BOLL: variants seen among roughly 807,000 people sequenced by gnomAD.
BOLL encodes boule RNA binding protein.
In BOLL, 23 loss-of-function variants were observed where a neutral mutation model predicts 44.4. That is an observed-to-expected ratio of 0.52 (90% confidence interval 0.37 to 0.73). The LOEUF (loss-of-function observed/expected upper bound fraction) is 0.73, where lower values mean the gene tolerates loss of function less well. Ranked by LOEUF, BOLL falls within the 30% of genes least tolerant of loss-of-function variation. BOLL has a pLI of 0.00. For synonymous variants in BOLL, 97 were observed against 110.8 expected, an observed-to-expected ratio of 0.88 and a Z score of 0.78; for missense variants, 287 against 338.3, an observed-to-expected ratio of 0.85 and a Z score of 1.19.
chr2:197,786,098 C>G, upstream of BOLL: 1 of 1,488,638 alleles, frequency 6.7e-7, no homozygotes, highest in Non-Finnish European at 9.0e-7. This position sits in a 1 kb window ranked among gnomAD's most constrained non-coding sequence, Gnocchi z 5.9. Flanking sequence ...CTTGTCCTGC[C>G]TGGGACTCTC....
At chr2:197,763,479 T>TAA (rs34230740) in intron 7 of BOLL, among the ~76,000 whole-genome samples, 1,494 of 127,484 alleles carry the variant, frequency 0.012, 35 homozygotes, top group South Asian at 0.037. Context: ...GAGTCCGTCT[T>TAA]AAAAAAAAAA....
At chr2:197,731,486 T>A (rs1346518944) in intron 10 of BOLL, among the ~76,000 whole-genome samples, 2 of 140,316 alleles carry the variant, frequency 1.4e-5, no homozygotes. Flanking sequence ...TACAGAACTC[T>A]CCACCCCAAA....
intron 5 of BOLL, among the ~76,000 whole-genome samples, chr2:197,775,226 G>T (rs1689454646): frequency 6.6e-6 from 1 of 151,696 alleles, no homozygotes; most frequent in Non-Finnish European, 1.5e-5. Flanking sequence ...GACACACCTG[G>T]CTGGGTTACA....
chr2:197,768,093 G>A lies in BOLL; in HGVS notation c.481-1490C>T, dbSNP rs562038087. On this transcript the variant is annotated intron_variant, in intron 6 of 10. Coordinates refer to ENST00000392296, the MANE Select transcript of BOLL (RefSeq NM_033030.6). ...AAATCAAGAGCATTACTATACACCA[G>A]CTACAATCTATTAGGAAATGTTATT... is the stretch of plus-strand genomic sequence containing the variant. Among the ~76,000 whole-genome samples the A allele has an allele frequency of 3.3e-5, 5 of 152,076 alleles. No individual in the cohort carries two copies. In the South Asian group the frequency reaches 1.0e-3, roughly 31 times the overall value.
chr2:197,760,243 AC>A (rs1303687007), intron 7 of BOLL, among the ~76,000 whole-genome samples: 1 of 151,946 alleles, frequency 6.6e-6, no homozygotes, highest in Non-Finnish European at 1.5e-5. Context: ...TCCGTGGGCC[AC>A]CCCCAGCAGA....
At chr2:197,766,701 G>T in intron 6 of BOLL, 98 bp from the exon 7 acceptor site, 2 of 810,504 alleles carry the variant, frequency 2.5e-6, no homozygotes, top group Admixed American at 2.6e-5. Flanking sequence ...GTAAACTTCT[G>T]GTTTATGATT....
chr2:197,750,827 A>C, intron 9 of BOLL, among the ~76,000 whole-genome samples: 1 of 152,198 alleles, frequency 6.6e-6, no homozygotes, highest in East Asian at 1.9e-4. Context: ...TCTCCACCCC[A>C]AATCAACAGA....
chr2:197,786,088 C>T (rs899884598), upstream of BOLL: 9 of 1,527,524 alleles, frequency 5.9e-6, no homozygotes, highest in African/African-American at 1.3e-4. The surrounding 1 kb of genome is among the most constrained non-coding windows in gnomAD (Gnocchi z 5.9). Flanking sequence ...AGCAGCGCTG[C>T]TTGTCCTGCC....
chr2:197,750,993 T>G (rs534601924), intron 9 of BOLL, among the ~76,000 whole-genome samples: 55 of 152,230 alleles, frequency 3.6e-4, no homozygotes, highest in African/African-American at 1.3e-3. Context: ...ATTAAGAAAC[T>G]CACTCAAAAC....
chr2:197,734,919 C>A (rs1018973131), intron 10 of BOLL, among the ~76,000 whole-genome samples: 1 of 151,756 alleles, frequency 6.6e-6, no homozygotes, highest in Non-Finnish European at 1.5e-5. Context: ...TGAATCTGCA[C>A]GTTGTGCACA....
chr2:197,754,649 G>A (rs575760748), intron 9 of BOLL, among the ~76,000 whole-genome samples: 1 of 152,150 alleles, frequency 6.6e-6, no homozygotes, highest in Non-Finnish European at 1.5e-5. Context: ...GGGAGGTGGA[G>A]GTTGCAGTGA....
intron 10 of BOLL, among the ~76,000 whole-genome samples, chr2:197,738,310 G>A (rs1687587109): frequency 6.6e-6 from 1 of 152,012 alleles, no homozygotes; most frequent in East Asian, 1.9e-4. Context: ...TAAACTCCTG[G>A]CTCAAGTGAT....
At chr2:197,758,808 A>C (rs1446322491) in intron 7 of BOLL, 2 of 601,378 alleles carry the variant, frequency 3.3e-6, no homozygotes, top group East Asian at 5.9e-5. Flanking sequence ...AATTATGTTA[A>C]ATATAATATA....
At chr2:197,780,429 C>G (rs1689715736) in intron 2 of BOLL, among the ~76,000 whole-genome samples, 1 of 151,972 alleles carries the variant, frequency 6.6e-6, no homozygotes, top group Non-Finnish European at 1.5e-5. Context: ...GCTTCAGTAA[C>G]CTAAAATAAC....
At position 197,784,918 on chromosome 2, in the gene BOLL, T is replaced by C. The variant is rs1282854855; in HGVS notation, c.-16+138A>G. Reference sequence around the variant, plus strand: ...CGGGTTTGAAGGCTCCTCCGTTTGCTAAAACTTCCAGCACTAGAGAGTTTA... The same window carrying C: ...CGGGTTTGAAGGCTCCTCCGTTTGCCAAAACTTCCAGCACTAGAGAGTTTA... On this transcript the variant is annotated intron_variant, in intron 1 of 10. Coordinates refer to ENST00000392296, the MANE Select transcript of BOLL (RefSeq NM_033030.6). The C allele has an allele frequency of 3.0e-6, 3 of 986,738 alleles. No individual in the cohort carries two copies. The African/African-American group carries it at 5.2e-5, about 17-fold the overall frequency. 61.1% of individuals were successfully genotyped at this position (986,738 alleles called of 1,614,324 possible). A position where few individuals can be genotyped will look rare whatever the true frequency, so the allele number is the denominator to read the frequency against.
At chr2:197,778,934 T>TA in intron 3 of BOLL, 41 bp downstream of exon 3, 1 of 1,527,158 alleles carries the variant, frequency 6.5e-7, no homozygotes, top group Non-Finnish European at 8.9e-7. Context: ...CCAATGAAAA[T>TA]AGAGTTGCTA....
chr2:197,777,675 C>G (rs1470892624), intron 3 of BOLL, among the ~76,000 whole-genome samples: 3 of 151,734 alleles, frequency 2.0e-5, no homozygotes, highest in African/African-American at 7.3e-5. Context: ...ACATAATTAA[C>G]TTCAAGCACA....
intron 6 of BOLL, among the ~76,000 whole-genome samples, chr2:197,771,652 A>G (rs1689268040): frequency 6.6e-6 from 1 of 152,022 alleles, no homozygotes; most frequent in South Asian, 2.1e-4. Context: ...AGTGGGGGTA[A>G]GGAGAATTGA....
intron 10 of BOLL, among the ~76,000 whole-genome samples, chr2:197,734,860 C>G (rs527815751): frequency 6.6e-6 from 1 of 151,878 alleles, no homozygotes; most frequent in Non-Finnish European, 1.5e-5. Flanking sequence ...TGCTAAATGA[C>G]GAGTTAATGG....
Sources: allele counts gnomAD v4.1 joint callset (sites outside exome capture counted in the v4.1 genomes callset), GRCh38; gene constraint gnomAD v4.1.1; non-coding constraint Gnocchi (gnomAD v3.1); transcripts MANE v1.5; gene names NCBI Gene and HGNC (gene_info 2026-07-23, HGNC 2026-07-21).